RASAL2: variants seen among roughly 807,000 people sequenced by gnomAD.
The protein encoded by RASAL2 is ras GTPase-activating protein nGAP.
RASAL2 carries 58 observed loss-of-function variants against 128.9 expected under a neutral mutation model. The ratio of observed to expected loss-of-function variants is 0.45; its 90% confidence interval spans 0.36 to 0.56. The LOEUF (loss-of-function observed/expected upper bound fraction) is 0.56. Ranked by LOEUF, RASAL2 falls within the 20% of genes least tolerant of loss-of-function variation. The pLI is 0.00. For synonymous variants in RASAL2, 561 were observed against 580.8 expected (o/e 0.97, Z 0.49); for missense variants, 1,360 against 1,601.6 (o/e 0.85, Z 2.57).
At chr1:178,307,169 T>C (rs1668034899) in intron 3 of RASAL2, among the ~76,000 whole-genome samples, 1 of 152,126 alleles carries the variant, frequency 6.6e-6, no homozygotes, top group Non-Finnish European at 1.5e-5. Context: ...CACATCAACG[T>C]ATTATGAGCA....
At chr1:178,122,069 A>G (rs1304076242) in intron 1 of RASAL2, among the ~76,000 whole-genome samples, 3 of 151,978 alleles carry the variant, frequency 2.0e-5, no homozygotes, top group African/African-American at 4.8e-5. Flanking sequence ...TATTTATGGT[A>G]TTCTGTATCT....
chr1:178,366,582 C>CT (rs1671411719), intron 3 of RASAL2, among the ~76,000 whole-genome samples: 1 of 50,870 alleles, frequency 2.0e-5, no homozygotes, highest in Non-Finnish European at 3.1e-5. Context: ...TGGTACCTCC[C>CT]ACCCCCCCCC....
intron 12 of RASAL2, among the ~76,000 whole-genome samples, chr1:178,455,596 C>T (rs751804513): frequency 6.6e-6 from 1 of 152,226 alleles, no homozygotes; most frequent in East Asian, 1.9e-4. Flanking sequence ...TCCTTATTCT[C>T]GAGGACCTTT....
At chr1:178,275,026 A>ATGAAC (rs1421053304) in intron 1 of RASAL2, among the ~76,000 whole-genome samples, 1 of 152,228 alleles carries the variant, frequency 6.6e-6, no homozygotes, top group Non-Finnish European at 1.5e-5. Context: ...GAGGTTTAGT[A>ATGAAC]TGAACTGTAG....
At chr1:178,290,870 G>T (rs1227970798) in intron 2 of RASAL2, among the ~76,000 whole-genome samples, 1 of 151,988 alleles carries the variant, frequency 6.6e-6, no homozygotes, top group Non-Finnish European at 1.5e-5. Flanking sequence ...TAGAGACAGG[G>T]TTTCATCGTG....
chr1:178,333,725 A>G (rs1669454483), intron 3 of RASAL2, among the ~76,000 whole-genome samples: 1 of 152,260 alleles, frequency 6.6e-6, no homozygotes, highest in South Asian at 2.1e-4. Flanking sequence ...AAAATAGTGT[A>G]TAATCATAAT....
At chr1:178,175,904 G>T (rs1040422125) in intron 1 of RASAL2, among the ~76,000 whole-genome samples, 1 of 152,148 alleles carries the variant, frequency 6.6e-6, no homozygotes, top group Non-Finnish European at 1.5e-5. Context: ...TTTAATGGCA[G>T]AGTAGTATTC....
chr1:178,162,201 G>A (rs1404656383), intron 1 of RASAL2, among the ~76,000 whole-genome samples: 1 of 146,950 alleles, frequency 6.8e-6, no homozygotes, highest in African/African-American at 2.5e-5. Context: ...TCCTGATCTC[G>A]TGATCTGCCC....
intron 3 of RASAL2, among the ~76,000 whole-genome samples, chr1:178,354,891 A>G (rs940584320): frequency 6.6e-6 from 1 of 152,226 alleles, no homozygotes; most frequent in Admixed American, 6.5e-5. Flanking sequence ...AAATTCCTTT[A>G]TAGATTCAAT....
At chr1:178,279,299 C>G (rs1010286881) in intron 1 of RASAL2, among the ~76,000 whole-genome samples, 4 of 152,002 alleles carry the variant, frequency 2.6e-5, no homozygotes, top group African/African-American at 9.7e-5. Context: ...TGTTATTCAT[C>G]CACCACAAAC....
At chr1:178,247,779 C>A (rs1387985933) in intron 1 of RASAL2, among the ~76,000 whole-genome samples, 1 of 152,176 alleles carries the variant, frequency 6.6e-6, no homozygotes, top group Non-Finnish European at 1.5e-5. Flanking sequence ...TCTTTATTCT[C>A]ATTGGTTTCA....
At chr1:178,466,204 C>G in intron 16 of RASAL2, 82 bp downstream of exon 16, 1 of 1,332,876 alleles carries the variant, frequency 7.5e-7, no homozygotes, top group East Asian at 2.6e-5. Context: ...GAAGGAATGG[C>G]AGCAAAAGCC....
chr1:178,305,655 A>G (rs1438055155), intron 3 of RASAL2, among the ~76,000 whole-genome samples: 1 of 152,178 alleles, frequency 6.6e-6, no homozygotes, highest in Non-Finnish European at 1.5e-5. Flanking sequence ...CCAGCAGCTC[A>G]ATTTTTGCAC....
intron 1 of RASAL2, among the ~76,000 whole-genome samples, chr1:178,225,757 G>A (rs767702230): frequency 6.7e-6 from 1 of 149,848 alleles, no homozygotes; most frequent in Non-Finnish European, 1.5e-5. Flanking sequence ...CTTTCATACT[G>A]TACATACATA....
In RASAL2 at chr1:178,477,911, CATAGAA is replaced by C. The variant is rs1648790533; in HGVS notation, c.*4676_*4681del. The stretch of plus-strand genomic sequence containing the variant: ...TATCATTATTGATACCATGGGGAAT[CATAGAA>C]ATAAAGTTGAATATCATTGATCTGA... On this transcript the variant is annotated 3_prime_UTR_variant, in exon 18 of 18. Transcript: ENST00000367649. 6.6e-6 allele frequency: 1 copy of C among 152,110 alleles called. No homozygotes were observed. Among genetic ancestry groups the C allele is most frequent in the African/African-American group, 2.4e-5 (1 of 41,420 alleles). The allele number at this position is 152,110 out of a possible 1,614,324, so 9.4% of individuals were successfully genotyped here. A position where few individuals can be genotyped will look rare whatever the true frequency, so the allele number is the denominator to read the frequency against.
chr1:178,330,044 T>C (rs923286614), intron 3 of RASAL2, among the ~76,000 whole-genome samples: 1 of 152,168 alleles, frequency 6.6e-6, no homozygotes, highest in Non-Finnish European at 1.5e-5. Context: ...AATTATATTG[T>C]TGACTAAGTT....
chr1:178,137,703 GT>G (rs1660375905), intron 1 of RASAL2, among the ~76,000 whole-genome samples: 2 of 152,140 alleles, frequency 1.3e-5, no homozygotes, highest in Non-Finnish European at 2.9e-5. Context: ...TTTGTCAGTG[GT>G]TTTAGGAAGA....
At chr1:178,109,725 A>C (rs1659226345) in intron 1 of RASAL2, among the ~76,000 whole-genome samples, 1 of 152,170 alleles carries the variant, frequency 6.6e-6, no homozygotes, top group African/African-American at 2.4e-5. Flanking sequence ...ATATCTTTTT[A>C]GAAACCAGAT....
chr1:178,468,106 C>G (rs2102955522), intron 17 of RASAL2, among the ~76,000 whole-genome samples: 1 of 152,322 alleles, frequency 6.6e-6, no homozygotes, highest in East Asian at 1.9e-4. Flanking sequence ...AGGGACATGT[C>G]AATGATTAGA....
Sources: gnomAD v4.1 joint callset for allele counts (sites outside exome capture counted in the v4.1 genomes callset) on GRCh38, gnomAD v4.1.1 for gene constraint, MANE v1.5 for transcripts, NCBI Gene and HGNC (gene_info 2026-07-23, HGNC 2026-07-21) for gene names.